ZNF428: variants seen among roughly 807,000 people sequenced by gnomAD.
ZNF428 encodes the protein zinc finger protein 428.
ZNF428 carries 5 observed loss-of-function variants against 15.6 expected under a neutral mutation model. The ratio of observed to expected loss-of-function variants is 0.32; its 90% CI spans 0.17 to 0.67. The LOEUF is 0.67. ZNF428 is among the 30% of genes least tolerant of loss of function. The pLI is 0.73. For missense variants in ZNF428, 237 were observed against 256.0 expected (o/e 0.93, Z 0.51); for synonymous variants, 97 against 102.2 (o/e 0.95, Z 0.31).
Position 43,612,437 on chromosome 19 carries a change from G to T in ZNF428, c.76+1792C>A. 1 of 1,551,500 alleles carries T rather than the reference G, an allele frequency of 6.4e-7. No homozygotes were observed. On this transcript the variant is annotated intron_variant, in intron 2 of 2. Transcript: ENST00000300811. This position sits in a 1 kb window ranked among gnomAD's most constrained non-coding sequence, Gnocchi z 4.2. The stretch of plus-strand genomic sequence containing the variant: ...CACCAGGACCAGCAAAGCCAGCAAG[G>T]CCAGCGACGTGAGATGCCACCAGCG...
At chr19:43,609,464 G>A (rs1257232079) in intron 2 of ZNF428, among the ~76,000 whole-genome samples, 1 of 151,876 alleles carries the variant, frequency 6.6e-6, no homozygotes, top group Non-Finnish European at 1.5e-5. Context: ...ACAAGTTTAG[G>A]TTTAAAGAAA....
chr19:43,616,169 T>G (rs1391299863), intron 1 of ZNF428, among the ~76,000 whole-genome samples: 1 of 152,132 alleles, frequency 6.6e-6, no homozygotes, highest in Non-Finnish European at 1.5e-5. Context: ...AAAACCAATA[T>G]ATTTATATAT....
intron 2 of ZNF428, among the ~76,000 whole-genome samples, chr19:43,609,748 A>G (rs1292664770): frequency 6.6e-6 from 1 of 152,094 alleles, no homozygotes; most frequent in Non-Finnish European, 1.5e-5. Flanking sequence ...TTCCCAAAAA[A>G]AAAAAAGAAA....
rs1303808991 is a variant in ZNF428, at chr19:43,613,398, G to C, written c.76+831C>G. ...AGTCCCTACAAGGCGAGAGATCGCA[G>C]CCGATCTAGAAGTCCCAACAAGGCG... is the stretch of plus-strand genomic sequence containing the variant. On this transcript the variant is annotated intron_variant, in intron 2 of 2. Coordinates refer to ENST00000300811, the MANE Select transcript of ZNF428 (RefSeq NM_182498.4). 5 of 1,530,826 alleles carry C rather than the reference G, an allele frequency of 3.3e-6. No homozygotes were observed. In the Admixed American group the frequency reaches 8.1e-5, roughly 25 times the overall value. The allele number at this position is 1,530,826 out of a possible 1,614,324, so 94.8% of individuals were successfully genotyped here.
At position 43,613,679 on chromosome 19, in the gene ZNF428, G is replaced by A. The variant is rs1047363132; in HGVS notation, c.76+550C>T. The A allele has an allele frequency of 1.0e-5, 16 of 1,551,418 alleles. No homozygotes were observed. Among genetic ancestry groups the A allele is most frequent in the Non-Finnish European group, 1.3e-5 (15 of 1,146,970 alleles). On this transcript the variant is annotated intron_variant, in intron 2 of 2. Transcript: ENST00000300811. The stretch of plus-strand genomic sequence containing the variant: ...ATCTAGAAGCTCCAGCAAAGAGAGA[G>A]ATCACAGACGATCTAGAAGCCCCAG...
intron 2 of ZNF428, among the ~76,000 whole-genome samples, chr19:43,609,742 C>CA (rs113961553): frequency 9.2e-4 from 119 of 129,746 alleles, no homozygotes; most frequent in African/African-American, 1.4e-3. Context: ...ACTCCGTTCC[C>CA]AAAAAAAAAA....
At chr19:43,615,820 G>C (rs565920069) in intron 1 of ZNF428, among the ~76,000 whole-genome samples, 1 of 152,182 alleles carries the variant, frequency 6.6e-6, no homozygotes, top group East Asian at 1.9e-4. Flanking sequence ...CAAGGTATAA[G>C]GGAAGGGGCA....
chr19:43,613,969 T>G, intron 2 of ZNF428: 2 of 1,551,454 alleles, frequency 1.3e-6, no homozygotes, highest in Non-Finnish European at 1.7e-6. Context: ...AGGAGAAAGC[T>G]CATAGCCGAT....
chr19:43,612,246 G>A lies in ZNF428; in HGVS notation c.76+1983C>T. 1 of 1,551,704 alleles carries A rather than the reference G, an allele frequency of 6.4e-7. No individual in the cohort carries two copies. The highest frequency in any genetic ancestry group is 8.7e-7 in the Non-Finnish European group (1 of 1,147,010). On this transcript the variant is annotated intron_variant, in intron 2 of 2. Transcript: ENST00000300811. The surrounding 1 kb of genome is among the most constrained non-coding windows in gnomAD (Gnocchi z 4.2). ...TCCACCAAATCAGCAACACCCAACA[G>A]ATCCTTAGTGCCCACCAAACCAGCG...
At chr19:43,614,473 A>G in intron 1 of ZNF428, 39 bp from the exon 2 acceptor site, 2 of 1,426,950 alleles carry the variant, frequency 1.4e-6, no homozygotes, top group Middle Eastern at 2.2e-4. Flanking sequence ...ATGATTCAAT[A>G]AATTTTTACA....
rs757598764 is a variant in ZNF428, at chr19:43,612,930, A to G, written c.76+1299T>C. On this transcript the variant is annotated intron_variant, in intron 2 of 2. Coordinates refer to ENST00000300811, the MANE Select transcript of ZNF428 (RefSeq NM_182498.4). This position sits in a 1 kb window ranked among gnomAD's most constrained non-coding sequence, Gnocchi z 4.2. ...ATGTCCAGCAGGGTCAAGAGTTATA[A>G]CCAGGCCAGCACCCGCAGCAGGCCG... 6.4e-7 allele frequency: 1 copy of G among 1,551,652 alleles called. No individual in the cohort carries two copies. The highest frequency in any genetic ancestry group is 1.2e-5 in the South Asian group (1 of 84,058).
At chr19:43,613,272 G>A in intron 2 of ZNF428, 1 of 1,551,652 alleles carries the variant, frequency 6.4e-7, no homozygotes, top group Non-Finnish European at 8.7e-7. Flanking sequence ...AGCAGCCCCA[G>A]GAAGGAGAGT....
intron 2 of ZNF428, among the ~76,000 whole-genome samples, chr19:43,609,028 T>C (rs1373648479): frequency 6.6e-6 from 1 of 151,990 alleles, no homozygotes; most frequent in East Asian, 1.9e-4. Flanking sequence ...GGGAGGCATT[T>C]AGGAAGGACA....
chr19:43,619,374 G>T (rs1352000507), intron 1 of ZNF428, among the ~76,000 whole-genome samples, 184 bp downstream of exon 1: 1 of 152,248 alleles, frequency 6.6e-6, no homozygotes, highest in Non-Finnish European at 1.5e-5. Flanking sequence ...AAGGCGGAGC[G>T]CTCGGTTCTC....
Position 43,612,865 on chromosome 19 carries a change from G to T in ZNF428, c.76+1364C>A. ...GGAAGGTGAAGAGCTACGGTCAGAT[G>T]ATCATCCCCAGTAGGGAAAAGAGTT... On this transcript the variant is annotated intron_variant, in intron 2 of 2. Transcript: ENST00000300811. This position sits in a 1 kb window ranked among gnomAD's most constrained non-coding sequence, Gnocchi z 4.2. 3 of 1,551,678 alleles carry T rather than the reference G, an allele frequency of 1.9e-6. No individual in the cohort carries two copies. Among genetic ancestry groups the T allele is most frequent in the Admixed American group, 2.0e-5 (1 of 50,998 alleles).
At chr19:43,616,977 G>A (rs1973377829) in intron 1 of ZNF428, among the ~76,000 whole-genome samples, 1 of 151,842 alleles carries the variant, frequency 6.6e-6, no homozygotes, top group Non-Finnish European at 1.5e-5. Flanking sequence ...GGTATTTTTA[G>A]TAGAGACAGG....
chr19:43,618,722 A>C (rs1382010907), intron 1 of ZNF428, among the ~76,000 whole-genome samples: 1 of 151,980 alleles, frequency 6.6e-6, no homozygotes, highest in Non-Finnish European at 1.5e-5. Flanking sequence ...GCTATGTTCC[A>C]TGTGATATTT....
chr19:43,615,768 T>C, intron 1 of ZNF428, among the ~76,000 whole-genome samples: 1 of 152,082 alleles, frequency 6.6e-6, no homozygotes, highest in Admixed American at 6.5e-5. Flanking sequence ...TGGTTTATTA[T>C]AGAGGATATT....
In ZNF428 at chr19:43,613,634, A is replaced by G. The variant is rs374967514; in HGVS notation, c.76+595T>C. ...TCACAGACGATCTAGAAGCCCCAGC[A>G]AGGAGAGACAGTGCAGACAATCTAG... On this transcript the variant is annotated intron_variant, in intron 2 of 2. Transcript: ENST00000300811. The G allele has an allele frequency of 7.7e-6, 12 of 1,548,744 alleles. No homozygotes were observed. The East Asian group carries it at 2.0e-4, about 25-fold the overall frequency.
Sources: allele counts gnomAD v4.1 joint callset (sites outside exome capture counted in the v4.1 genomes callset), GRCh38; gene constraint gnomAD v4.1.1; non-coding constraint Gnocchi (gnomAD v3.1); transcripts MANE v1.5; gene names NCBI Gene and HGNC (gene_info 2026-07-23, HGNC 2026-07-21).